Variants in FOSL1 observed in about 807,000 individuals in gnomAD.
The protein encoded by FOSL1 is fos-related antigen 1.
FOSL1 carries 14 observed loss-of-function variants against 24.9 expected under a neutral mutation model. The ratio of observed to expected loss-of-function variants is 0.56; its 90% CI spans 0.37 to 0.88. The LOEUF (loss-of-function observed/expected upper bound fraction) is 0.88. Ranked by LOEUF, FOSL1 falls within the 40% of genes least tolerant of loss-of-function variation. The pLI, the probability that FOSL1 is intolerant of heterozygous loss-of-function variation, is 0.00. For missense variants in FOSL1, 318 were observed against 359.8 expected (o/e 0.88, Z 0.94); for synonymous variants, 133 against 145.1 (o/e 0.92, Z 0.60).
At position 65,895,123 on chromosome 11, in the gene FOSL1, CT is replaced by C. The variant is rs71036251; in HGVS notation, c.298-1003del. Among the ~76,000 whole-genome samples, 230 of 111,388 alleles carry C rather than the reference CT, an allele frequency of 2.1e-3. 4 individuals carry two copies. The East Asian group carries it at 0.046, about 22-fold the overall frequency. The allele number at this position is 111,388 out of a possible 152,430, so 73.1% of individuals were successfully genotyped here. A position where few individuals can be genotyped will look rare whatever the true frequency, so the allele number is the denominator to read the frequency against. ...CCTCTTTTTTAAAAAAACATAGATT[CT>C]TTTTTTTTTTTTTTTTTGAGACGGA... On this transcript the variant is annotated intron_variant, in intron 2 of 3. Transcript: ENST00000312562.
intron 1 of FOSL1, among the ~76,000 whole-genome samples, chr11:65,898,963 A>G (rs1236695200): frequency 8.4e-5 from 1 of 11,846 alleles, no homozygotes; most frequent in South Asian, 9.4e-3. Flanking sequence ...CCTGTCTCAG[A>G]AAAAAAAAAA....
In FOSL1 at chr11:65,892,476, C is replaced by T. The variant is rs1267861266; in HGVS notation, c.*410G>A. 1.1e-4 allele frequency: 47 copies of T among 433,140 alleles called. No individual in the cohort carries two copies. The East Asian group carries it at 3.1e-3, about 29-fold the overall frequency. The allele number at this position is 433,140 out of a possible 1,614,324, so 26.8% of individuals were successfully genotyped here. Reference sequence around the variant, plus strand: ...GCAGTGGGGCTGGTGAGTTAGTGTTCTAGGTGGGTAAAGTGGCACCTTCTG... The same window carrying T: ...GCAGTGGGGCTGGTGAGTTAGTGTTTTAGGTGGGTAAAGTGGCACCTTCTG... On this transcript the variant is annotated 3_prime_UTR_variant, in exon 4 of 4. Transcript: ENST00000312562.
In FOSL1 at chr11:65,896,890, C is replaced by T; in HGVS notation, c.216G>A (p.Gln72=). 1 of 1,614,010 alleles carries T rather than the reference C, an allele frequency of 6.2e-7. No individual in the cohort carries two copies. The highest frequency in any genetic ancestry group is 1.3e-5 in the African/African-American group (1 of 75,038). The change falls in exon 2 of 4, where the codon CAG becomes CAA. Residue 72 remains glutamine (Q), a synonymous_variant. Coordinates refer to ENST00000312562, the MANE Select transcript of FOSL1 (RefSeq NM_005438.5). ...CTGGCCGGGGTTGTGGGGGGCTGTA[C>T]TGAGGGTAGGTCAGAGGCCTGGGGT... The part of the protein sequence containing the change: ...SSYPRPLTYP[Q]YSPPQPRPGV...
chr11:65,897,912 A>G (rs2134803314), intron 1 of FOSL1, among the ~76,000 whole-genome samples: 1 of 147,206 alleles, frequency 6.8e-6, no homozygotes, highest in East Asian at 2.0e-4. Flanking sequence ...TTCTTGAGAC[A>G]GGGTCTCACT....
Position 65,896,992 on chromosome 11 carries a change from C to T in FOSL1, c.114G>A (p.Val38=), listed in dbSNP as rs146452451. 134 of 1,614,018 alleles carry T rather than the reference C, an allele frequency of 8.3e-5. No homozygotes were observed. In the African/African-American group the frequency reaches 8.8e-4, roughly 11 times the overall value. Reference sequence around the variant, plus strand: ...TGCCACTCATGGTGTTGATGCTTGGCACCAGGTGGAACTTCTAAGGAATAA... The same window carrying T: ...TGCCACTCATGGTGTTGATGCTTGGTACCAGGTGGAACTTCTAAGGAATAA... The part of the protein sequence containing the change: ...AQAAQQKFHL[V]PSINTMSGSQ... Residue 38 remains valine, a synonymous_variant, in exon 2 of 4, where the codon GTG becomes GTA. Transcript: ENST00000312562.
chr11:65,897,085 T>C (rs1019281922), intron 1 of FOSL1, 79 bp from the exon 2 acceptor site: 8 of 1,056,562 alleles, frequency 7.6e-6, no homozygotes, highest in Non-Finnish European at 1.2e-5. Flanking sequence ...GCTACACTGC[T>C]GTCTACCTTC....
At position 65,896,887 on chromosome 11, in the gene FOSL1, G is replaced by A. The variant is rs1860541127; in HGVS notation, c.219C>T (p.Tyr73=). The A allele has an allele frequency of 4.3e-6, 7 of 1,613,884 alleles. No homozygotes were observed. The highest frequency in any genetic ancestry group is 2.2e-5 in the South Asian group (2 of 91,088). Residue 73 remains tyrosine (Y), a synonymous_variant, in exon 2 of 4, where the codon TAC becomes TAT. Transcript: ENST00000312562. ...CTCCTGGCCGGGGTTGTGGGGGGCT[G>A]TACTGAGGGTAGGTCAGAGGCCTGG... The part of the protein sequence containing the change: ...SYPRPLTYPQ[Y]SPPQPRPGVI...
At chr11:65,895,260 A>C (rs774175043) in intron 2 of FOSL1, among the ~76,000 whole-genome samples, 4 of 151,642 alleles carry the variant, frequency 2.6e-5, no homozygotes, top group Non-Finnish European at 5.9e-5. Context: ...AGTAGCTGCG[A>C]CTACAGGTGC....
rs1277466240 is a variant in FOSL1 at position 65,895,123 on chromosome 11, C to T, written c.298-1002G>A. Reference sequence around the variant, plus strand: ...CCTCTTTTTTAAAAAAACATAGATTCTTTTTTTTTTTTTTTTTTGAGACGG... The same window carrying T: ...CCTCTTTTTTAAAAAAACATAGATTTTTTTTTTTTTTTTTTTTTGAGACGG... On this transcript the variant is annotated intron_variant, in intron 2 of 3. Transcript: ENST00000312562. 3.6e-4 allele frequency among the ~76,000 whole-genome samples: 40 copies of T among 111,392 alleles called. 1 individual carries two copies. The highest frequency in any genetic ancestry group is 7.8e-4 in the East Asian group (3 of 3,866). 73.1% of individuals were successfully genotyped at this position (111,392 alleles called of 152,430 possible).
chr11:65,895,118 A>G (rs1446863867), intron 2 of FOSL1, among the ~76,000 whole-genome samples: 3 of 125,978 alleles, frequency 2.4e-5, no homozygotes, highest in African/African-American at 8.8e-5. Context: ...AAAAAAACAT[A>G]GATTCTTTTT....
At chr11:65,898,287 C>T (rs558938218) in intron 1 of FOSL1, among the ~76,000 whole-genome samples, 5 of 152,208 alleles carry the variant, frequency 3.3e-5, no homozygotes, top group East Asian at 3.9e-4. Flanking sequence ...GTGATCCACC[C>T]GCCTTGGCCT....
rs1385167585 is a variant in FOSL1 at position 65,892,559 on chromosome 11, T to C, written c.*327A>G. 1.8e-6 allele frequency: 1 copy of C among 545,340 alleles called. No individual in the cohort carries two copies. Among genetic ancestry groups the C allele is most frequent in the Non-Finnish European group, 3.5e-6 (1 of 284,740 alleles). The allele number at this position is 545,340 out of a possible 1,614,324, so 33.8% of individuals were successfully genotyped here. The stretch of plus-strand genomic sequence containing the variant: ...AGGGTGATGGAGAGTGTGGCAGTGA[T>C]CTGGAAGGGGTTAGGGCTCCAGAGG... On this transcript the variant is annotated 3_prime_UTR_variant, in exon 4 of 4. Transcript: ENST00000312562.
intron 2 of FOSL1, among the ~76,000 whole-genome samples, chr11:65,894,992 G>C (rs1457381312): frequency 1.3e-5 from 2 of 150,488 alleles, no homozygotes; most frequent in African/African-American, 2.4e-5. Context: ...TAGTGACGGG[G>C]TCTCACTGTG....
intron 1 of FOSL1, 24 bp from the exon 2 acceptor site, chr11:65,897,030 C>T: frequency 1.3e-6 from 2 of 1,589,596 alleles, no homozygotes; most frequent in Non-Finnish European, 1.7e-6. Context: ...AATGGAAGGC[C>T]ACAGATGAGG....
rs1457961074 is a variant in FOSL1 at position 65,896,990 on chromosome 11, G to C, written c.116C>G (p.Pro39Arg). Reference sequence around the variant, plus strand: ...ACTGCCACTCATGGTGTTGATGCTTGGCACCAGGTGGAACTTCTAAGGAAT... The same window carrying C: ...ACTGCCACTCATGGTGTTGATGCTTCGCACCAGGTGGAACTTCTAAGGAAT... Reference protein sequence around the residue: ...QAAQQKFHLVPSINTMSGSQE... With the variant: ...QAAQQKFHLVRSINTMSGSQE... Residue 39 changes from proline (P) to arginine (R), a missense_variant, in exon 2 of 4, where the codon CCA becomes CGA. Transcript: ENST00000312562. 85 of 1,613,774 alleles carry C rather than the reference G, an allele frequency of 5.3e-5. No homozygotes were observed. Among genetic ancestry groups the C allele is most frequent in the Non-Finnish European group, 6.8e-5 (80 of 1,179,788 alleles).
chr11:65,895,975 T>C (rs1038546652), intron 2 of FOSL1, among the ~76,000 whole-genome samples: 1 of 152,236 alleles, frequency 6.6e-6, no homozygotes, highest in African/African-American at 2.4e-5. Flanking sequence ...CTTTGAGCCT[T>C]CTGTTAGCTT....
chr11:65,897,801 G>A (rs145194278), intron 1 of FOSL1, among the ~76,000 whole-genome samples: 237 of 152,208 alleles, frequency 1.6e-3, no homozygotes, highest in Middle Eastern at 3.4e-3. Context: ...GAGAATGTGT[G>A]CGACAGTCTG....
chr11:65,893,051 G>A lies in FOSL1; in HGVS notation c.651C>T (p.Thr217=). 6.2e-7 allele frequency: 1 copy of A among 1,611,736 alleles called. No individual in the cohort carries two copies. The highest frequency in any genetic ancestry group is 1.1e-5 in the South Asian group (1 of 90,930). The change falls in exon 4 of 4, where the codon ACC becomes ACT. Residue 217 remains threonine (T), a synonymous_variant. Transcript: ENST00000312562. ...GGGAGGGTGTGGTCATGAGTGTGGG[G>A]GTGTGCAGTGCCTCAGGTTCAAGCA... is the stretch of plus-strand genomic sequence containing the variant. ...GPVLEPEALH[T]PTLMTTPSLT...
At chr11:65,899,614 G>A (rs1860620438) in intron 1 of FOSL1, among the ~76,000 whole-genome samples, 1 of 152,238 alleles carries the variant, frequency 6.6e-6, no homozygotes, top group Non-Finnish European at 1.5e-5. Context: ...TCTATTCGCC[G>A]CATTCGGCAA....
Sources: gnomAD v4.1 joint callset for allele counts (sites outside exome capture counted in the v4.1 genomes callset) on GRCh38, gnomAD v4.1.1 for gene constraint, MANE v1.5 for transcripts, NCBI Gene and HGNC (gene_info 2026-07-23, HGNC 2026-07-21) for gene names.